The following SNX29 variants were observed in gnomAD, a reference collection of about 807,000 sequenced individuals.
SNX29 encodes sorting nexin 29.
SNX29 carries 78 observed loss-of-function variants against 102.1 expected under a neutral mutation model. The observed-to-expected ratio is 0.76, with a 90% CI of 0.64 to 0.92. The LOEUF (loss-of-function observed/expected upper bound fraction) is 0.92, where lower values mean the gene tolerates loss of function less well. SNX29 is among the 40% of genes least tolerant of loss of function. SNX29 has a pLI of 0.00. For missense variants in SNX29, 1,280 were observed against 1,061.7 expected (o/e 1.21, Z -2.86); for synonymous variants, 580 against 414.5 (o/e 1.40, Z -4.85).
chr16:12,549,511 C>A (rs898906599), intron 20 of SNX29, among the ~76,000 whole-genome samples: 7 of 152,116 alleles, frequency 4.6e-5, no homozygotes, highest in Non-Finnish European at 7.3e-5. Context: ...ATGTTCATGC[C>A]ATTTTTCATC....
intron 18 of SNX29, among the ~76,000 whole-genome samples, chr16:12,414,055 CA>C (rs2084521840): frequency 6.6e-6 from 1 of 152,180 alleles, no homozygotes; most frequent in South Asian, 2.1e-4. Context: ...ATGCAAATAT[CA>C]TGTAAATATT....
intron 3 of SNX29, among the ~76,000 whole-genome samples, chr16:12,007,614 G>A (rs183247299): frequency 3.9e-5 from 6 of 152,274 alleles, no homozygotes; most frequent in Non-Finnish European, 8.8e-5. Flanking sequence ...CTTCCTCACC[G>A]CTGATAGCTG....
chr16:12,477,763 G>C lies in SNX29; in HGVS notation c.2082G>C (p.Arg694=), dbSNP rs771530811. ...ACGATGAATGGAATATTTATCGCCG[G>C]TATACAGAGTTCAGGAGTTTGCACC... ...IKDDEWNIYR[R]YTEFRSLHHK... Residue 694 remains arginine, a synonymous_variant, in exon 19 of 21, where the codon CGG becomes CGC. Transcript: ENST00000566228. 5 of 1,613,176 alleles carry C rather than the reference G, an allele frequency of 3.1e-6. No individual in the cohort carries two copies. In the African/African-American group the frequency reaches 6.7e-5, roughly 22 times the overall value.
At chr16:12,461,978 A>AATATATATATATATAT (rs71139595) in intron 18 of SNX29, among the ~76,000 whole-genome samples, 3 of 27,348 alleles carry the variant, frequency 1.1e-4, no homozygotes, top group African/African-American at 1.4e-4. Flanking sequence ...AAAAAAAAAA[A>AATATATATATATATAT]ATATATATAT....
chr16:12,225,637 C>T (rs776356589), intron 14 of SNX29, among the ~76,000 whole-genome samples: 8 of 152,162 alleles, frequency 5.3e-5, no homozygotes, highest in East Asian at 1.9e-4. Context: ...ATTGTGAAAA[C>T]GGACTAATAC....
chr16:12,545,345 C>T (rs1277287164), intron 20 of SNX29: 3 of 152,132 alleles, frequency 2.0e-5, no homozygotes, highest in Non-Finnish European at 2.9e-5. Context: ...CACATAGTTC[C>T]AAGTACATAC....
intron 18 of SNX29, among the ~76,000 whole-genome samples, chr16:12,475,194 A>T (rs2087534085): frequency 6.6e-6 from 1 of 152,202 alleles, no homozygotes; most frequent in East Asian, 1.9e-4. Flanking sequence ...GCATTACATC[A>T]GGGGTTCCTG....
intron 16 of SNX29, among the ~76,000 whole-genome samples, chr16:12,395,149 A>G (rs772247649): frequency 6.6e-6 from 1 of 152,132 alleles, no homozygotes; most frequent in East Asian, 1.9e-4. Context: ...TATTCAGGAC[A>G]TAGTGGATAC....
chr16:12,048,527 A>G lies in SNX29; in HGVS notation c.655A>G (p.Arg219Gly). The change falls in exon 7 of 21, where the codon AGG (arginine) becomes GGG (glycine). Residue 219 changes from arginine (R) to glycine (G), a missense_variant. Coordinates refer to ENST00000566228, the MANE Select transcript of SNX29 (RefSeq NM_032167.5). ...ESTQGVSSLF[R>G]EITASSAVSI... ...CACGCAAGGAGTGAGCAGCCTGTTC[A>G]GGGAGATCACAGCCTCCTCTGCCGT... is the stretch of plus-strand genomic sequence containing the variant. 1 of 1,613,958 alleles carries G rather than the reference A, an allele frequency of 6.2e-7. No homozygotes were observed. Among genetic ancestry groups the G allele is most frequent in the Non-Finnish European group, 8.5e-7 (1 of 1,179,862 alleles).
chr16:12,552,381 C>T (rs1028384477), intron 20 of SNX29, among the ~76,000 whole-genome samples: 3 of 152,226 alleles, frequency 2.0e-5, no homozygotes, highest in African/African-American at 7.2e-5. Context: ...AGACAGCAAG[C>T]ATGGTACCTG....
intron 19 of SNX29, among the ~76,000 whole-genome samples, chr16:12,508,340 G>A (rs2089465889): frequency 6.6e-6 from 1 of 152,242 alleles, no homozygotes; most frequent in Admixed American, 6.5e-5. Flanking sequence ...CAGAAGCATG[G>A]ACCGGTGTCA....
At chr16:11,985,235 A>T (rs938179681) in intron 1 of SNX29, among the ~76,000 whole-genome samples, 1 of 152,146 alleles carries the variant, frequency 6.6e-6, no homozygotes, top group Non-Finnish European at 1.5e-5. Flanking sequence ...TTGGGGTTCA[A>T]CATTCAGCAA....
At chr16:12,258,578 A>T (rs919607973) in intron 14 of SNX29, among the ~76,000 whole-genome samples, 1 of 152,116 alleles carries the variant, frequency 6.6e-6, no homozygotes, top group African/African-American at 2.4e-5. Context: ...TGCTCAGCAG[A>T]ACTGTCTCTC....
intron 13 of SNX29, among the ~76,000 whole-genome samples, chr16:12,168,758 A>G (rs2076075923): frequency 1.3e-5 from 2 of 152,204 alleles, no homozygotes; most frequent in Non-Finnish European, 2.9e-5. Flanking sequence ...TTATTATTAG[A>G]TCGTTACATA....
intron 16 of SNX29, among the ~76,000 whole-genome samples, chr16:12,357,085 G>A (rs1215001210): frequency 6.6e-6 from 1 of 152,206 alleles, no homozygotes; most frequent in Non-Finnish European, 1.5e-5. Flanking sequence ...ACAATGCCGT[G>A]AGCATCTAAC....
At chr16:12,370,288 C>G (rs950336047) in intron 16 of SNX29, among the ~76,000 whole-genome samples, 6 of 151,598 alleles carry the variant, frequency 4.0e-5, no homozygotes, top group Non-Finnish European at 8.8e-5. Flanking sequence ...TGGCTGGGTG[C>G]GGTGGCTCAC....
intron 15 of SNX29, among the ~76,000 whole-genome samples, chr16:12,346,508 G>A (rs2081811939): frequency 6.6e-6 from 1 of 152,120 alleles, no homozygotes. Context: ...GGAATGGTGG[G>A]TTTTAATCCC....
chr16:12,319,570 G>T (rs570003562), intron 15 of SNX29, among the ~76,000 whole-genome samples: 2 of 152,298 alleles, frequency 1.3e-5, no homozygotes, highest in South Asian at 4.1e-4. Context: ...TTGAGTACCT[G>T]TTGGCGGTGA....
At chr16:12,251,187 C>T (rs867472388) in intron 14 of SNX29, among the ~76,000 whole-genome samples, 1 of 152,210 alleles carries the variant, frequency 6.6e-6, no homozygotes, top group Non-Finnish European at 1.5e-5. Flanking sequence ...AAAGTCTGTG[C>T]CTCACTTGGT....
Sources: gnomAD v4.1 joint callset for allele counts (sites outside exome capture counted in the v4.1 genomes callset) on GRCh38, gnomAD v4.1.1 for gene constraint, MANE v1.5 for transcripts, NCBI Gene and HGNC (gene_info 2026-07-23, HGNC 2026-07-21) for gene names.